Variants in TMEM242 observed in about 807,000 individuals in gnomAD.
TMEM242 encodes the protein transmembrane protein 242.
In TMEM242, 10 loss-of-function variants were observed where a neutral mutation model predicts 18.2. That is an observed-to-expected ratio of 0.55 (90% CI 0.34 to 0.93). TMEM242 has a LOEUF of 0.93. TMEM242 is among the 40% of genes least tolerant of loss of function. The pLI is 0.02. For missense variants in TMEM242, 186 were observed against 175.5 expected (o/e 1.06, Z -0.34); for synonymous variants, 57 against 69.9 (o/e 0.81, Z 0.92).
chr6:157,302,615 TAAAAAA>T (rs1777846205), intron 3 of TMEM242, among the ~76,000 whole-genome samples: 1 of 152,084 alleles, frequency 6.6e-6, no homozygotes, highest in African/African-American at 2.4e-5. Context: ...AGTCTTGAGA[TAAAAAA>T]GGAAAGCACT....
Position 157,290,320 on chromosome 6 carries a change from T to C in TMEM242, c.*2581A>G, listed in dbSNP as rs1777669396. On this transcript the variant is annotated 3_prime_UTR_variant, in exon 4 of 4. Coordinates refer to ENST00000400788, the MANE Select transcript of TMEM242 (RefSeq NM_018452.6). ...AAGCATTTCTAGTGCTCAGCCTCCA[T>C]GAAATGGATTGCTTATAGGGAGATA... 6.6e-6 allele frequency: 1 copy of C among 152,346 alleles called. No individual in the cohort carries two copies. The highest frequency in any genetic ancestry group is 6.5e-5 in the Admixed American group (1 of 15,300). The allele number at this position is 152,346 out of a possible 1,614,324, so 9.4% of individuals were successfully genotyped here.
intron 3 of TMEM242, chr6:157,299,923 TC>T: frequency 6.2e-7 from 1 of 1,610,902 alleles, no homozygotes; most frequent in Non-Finnish European, 8.5e-7. Flanking sequence ...TGCCCACCGA[TC>T]CAGTTCCTAT....
At chr6:157,310,580 G>A (rs200422105) in intron 3 of TMEM242, among the ~76,000 whole-genome samples, 897 of 7,536 alleles carry the variant, frequency 0.12, no homozygotes, top group African/African-American at 0.22. Context: ...CCCAGTGTGC[G>A]CTCACCCGGC....
intron 3 of TMEM242, among the ~76,000 whole-genome samples, chr6:157,296,381 G>A (rs1475651142): frequency 6.6e-6 from 1 of 152,158 alleles, no homozygotes; most frequent in Admixed American, 6.5e-5. Context: ...TCCAGGGGGT[G>A]CTTTCCATAA....
intron 3 of TMEM242, among the ~76,000 whole-genome samples, chr6:157,313,166 T>A (rs1554249644): frequency 6.8e-6 from 1 of 147,702 alleles, no homozygotes; most frequent in Non-Finnish European, 1.5e-5. Context: ...GGCCTCATCA[T>A]AGTGTCCCAC....
chr6:157,310,753 C>G (rs1554248427), intron 3 of TMEM242, among the ~76,000 whole-genome samples: 1 of 149,270 alleles, frequency 6.7e-6, no homozygotes. Flanking sequence ...AGTGTGCACT[C>G]ACCCGGCCTC....
At chr6:157,310,604 C>T in intron 3 of TMEM242, among the ~76,000 whole-genome samples, 1 of 152,050 alleles carries the variant, frequency 6.6e-6, no homozygotes, top group African/African-American at 2.4e-5. Flanking sequence ...ATCATAGTGC[C>T]CCAGTGTGCC....
chr6:157,320,597 A>G (rs1554250653), intron 2 of TMEM242, among the ~76,000 whole-genome samples: 2 of 152,002 alleles, frequency 1.3e-5, no homozygotes, highest in African/African-American at 4.8e-5. Context: ...CAGCCTCCCA[A>G]GTAGCTGGGA....
intron 3 of TMEM242, among the ~76,000 whole-genome samples, chr6:157,309,191 C>T (rs956697839): frequency 1.3e-5 from 2 of 152,130 alleles, no homozygotes; most frequent in African/African-American, 4.8e-5. Context: ...AATATGCCTA[C>T]ACAAGATGCT....
chr6:157,311,032 G>A (rs587662075), intron 3 of TMEM242, among the ~76,000 whole-genome samples: 2 of 51,652 alleles, frequency 3.9e-5, no homozygotes, highest in East Asian at 5.9e-4. Flanking sequence ...CCTCATCATA[G>A]TGTCCCAGTG....
intron 3 of TMEM242, among the ~76,000 whole-genome samples, chr6:157,314,735 A>G (rs1205083691): frequency 6.6e-6 from 1 of 152,242 alleles, no homozygotes; most frequent in Non-Finnish European, 1.5e-5. Flanking sequence ...ATTTAATGTT[A>G]TTATATGCAT....
chr6:157,312,542 C>G (rs1310635565), intron 3 of TMEM242, among the ~76,000 whole-genome samples: 2 of 107,104 alleles, frequency 1.9e-5, no homozygotes, highest in Admixed American at 9.2e-5. Context: ...GTGCACTCAG[C>G]TAGCCTCATC....
In TMEM242 at chr6:157,290,574, T is replaced by C. The variant is rs1777671761; in HGVS notation, c.*2327A>G. ...TGGTACGTCTCATAAAGAATAACATTATCTGTTCAACATTTTTCCTTTCCA... is the reference window on the plus strand; with the variant it reads ...TGGTACGTCTCATAAAGAATAACATCATCTGTTCAACATTTTTCCTTTCCA... On this transcript the variant is annotated 3_prime_UTR_variant, in exon 4 of 4. Coordinates refer to ENST00000400788, the MANE Select transcript of TMEM242 (RefSeq NM_018452.6). 3 of 152,196 alleles carry C rather than the reference T, an allele frequency of 2.0e-5. No homozygotes were observed. Among genetic ancestry groups the C allele is most frequent in the Admixed American group, 2.0e-4 (3 of 15,280 alleles). The allele number at this position is 152,196 out of a possible 1,614,324, so 9.4% of individuals were successfully genotyped here.
rs945466715 is a variant in TMEM242 at position 157,292,583 on chromosome 6, T to A, written c.*318A>T. On this transcript the variant is annotated 3_prime_UTR_variant, in exon 4 of 4. Coordinates refer to ENST00000400788, the MANE Select transcript of TMEM242 (RefSeq NM_018452.6). ...AAATATTTTCTTATCATACTTTTAT[T>A]ATAAACTTTTTTAGTATGAAATTTG... 9.1e-6 allele frequency: 2 copies of A among 218,976 alleles called. No individual in the cohort carries two copies. The highest frequency in any genetic ancestry group is 1.8e-5 in the Non-Finnish European group (2 of 112,154). 13.6% of individuals were successfully genotyped at this position (218,976 alleles called of 1,614,324 possible).
At chr6:157,298,255 C>G (rs991616718) in intron 3 of TMEM242, among the ~76,000 whole-genome samples, 1 of 152,156 alleles carries the variant, frequency 6.6e-6, no homozygotes, top group Non-Finnish European at 1.5e-5. Context: ...TTCTCAGGAG[C>G]GATTCTAAAA....
chr6:157,301,201 C>T (rs1777825683), intron 3 of TMEM242, among the ~76,000 whole-genome samples: 2 of 152,162 alleles, frequency 1.3e-5, no homozygotes, highest in Admixed American at 1.3e-4. Flanking sequence ...GCAGTGTGCT[C>T]TTCTGGAATG....
At chr6:157,320,717 T>A (rs1197241749) in intron 2 of TMEM242, among the ~76,000 whole-genome samples, 3 of 152,140 alleles carry the variant, frequency 2.0e-5, no homozygotes, top group Non-Finnish European at 4.4e-5. Flanking sequence ...GTGATCCGCC[T>A]CCCTCAGCCT....
At chr6:157,303,059 A>G (rs1554247631) in intron 3 of TMEM242, among the ~76,000 whole-genome samples, 2 of 152,242 alleles carry the variant, frequency 1.3e-5, no homozygotes, top group Admixed American at 6.5e-5. Flanking sequence ...AGCCTATGTC[A>G]CCACTGTACT....
chr6:157,300,033 T>A, intron 3 of TMEM242: 2 of 954,372 alleles, frequency 2.1e-6, no homozygotes, highest in Non-Finnish European at 3.4e-6. Flanking sequence ...TTGAGCGGCA[T>A]GCGCGCTGCC....
Sources: gnomAD v4.1 joint callset for allele counts (sites outside exome capture counted in the v4.1 genomes callset) on GRCh38, gnomAD v4.1.1 for gene constraint, MANE v1.5 for transcripts, NCBI Gene and HGNC (gene_info 2026-07-23, HGNC 2026-07-21) for gene names.